Variants in MAPDA observed in about 807,000 individuals in gnomAD.
MAPDA encodes the protein N6,N6-dimethyl-AMP deaminase.
At chr15:43,336,772 C>G in the MAPDA span, 2 of 1,147,846 alleles carry the variant, frequency 1.7e-6, no homozygotes, top group Non-Finnish European at 2.4e-6. Flanking sequence ...CATTTTTGCT[C>G]TCATTAAGAG....
the MAPDA span, chr15:43,340,261 T>C: frequency 6.2e-7 from 1 of 1,613,184 alleles, no homozygotes; most frequent in Non-Finnish European, 8.5e-7. Context: ...ATCTTTATTA[T>C]CAGGTCACAA....
At chr15:43,344,276 A>AT in the MAPDA span, among the ~76,000 whole-genome samples, 21,773 of 152,198 alleles carry the variant, frequency 0.14, 1,834 homozygotes, top group Middle Eastern at 0.27. Context: ...AGCTTAAAAT[A>AT]TCCAGCATTC....
chr15:43,334,534 A>G, the MAPDA span, among the ~76,000 whole-genome samples: 1 of 149,964 alleles, frequency 6.7e-6, no homozygotes, highest in East Asian at 2.0e-4. Context: ...AAGCTGAGGC[A>G]GGAGAATCAC....
chr15:43,336,989 C>G, the MAPDA span, among the ~76,000 whole-genome samples: 11 of 152,020 alleles, frequency 7.2e-5, no homozygotes, highest in Admixed American at 5.2e-4. Context: ...AATATTAGGG[C>G]TGGGCGTGGT....
At chr15:43,345,979 C>T in the MAPDA span, 1 of 1,613,948 alleles carries the variant, frequency 6.2e-7, no homozygotes, top group Non-Finnish European at 8.5e-7. Context: ...GGAGACCCTA[C>T]TGTAAGTTAT....
At chr15:43,337,113 A>G in the MAPDA span, among the ~76,000 whole-genome samples, 1 of 79,416 alleles carries the variant, frequency 1.3e-5, no homozygotes, top group East Asian at 7.0e-4. Context: ...CTAAAAATAC[A>G]AAAAAAAAAA....
At chr15:43,345,648 G>C in the MAPDA span, among the ~76,000 whole-genome samples, 1 of 152,212 alleles carries the variant, frequency 6.6e-6, no homozygotes, top group East Asian at 1.9e-4. Context: ...AATCTGAACA[G>C]TGACTGGATG....
At chr15:43,342,439 T>C in the MAPDA span, among the ~76,000 whole-genome samples, 3 of 138,102 alleles carry the variant, frequency 2.2e-5, no homozygotes, top group South Asian at 6.8e-4. Flanking sequence ...AGAGAAAATA[T>C]CCCTTTTAAA....
the MAPDA span, chr15:43,352,174 C>G: frequency 2.6e-6 from 1 of 383,630 alleles, no homozygotes; most frequent in East Asian, 3.9e-5. Context: ...TAATTAAATC[C>G]CCATTCCACC....
the MAPDA span, among the ~76,000 whole-genome samples, chr15:43,345,315 A>G: frequency 2.8e-4 from 42 of 149,764 alleles, 1 homozygote; most frequent in Non-Finnish European, 5.5e-4. Context: ...AGATTGCACC[A>G]TTGCACTCCA....
At chr15:43,334,207 C>T in the MAPDA span, among the ~76,000 whole-genome samples, 1 of 152,006 alleles carries the variant, frequency 6.6e-6, no homozygotes, top group South Asian at 2.1e-4. Context: ...AAACTGAAGC[C>T]ATGAAGGTGA....
the MAPDA span, among the ~76,000 whole-genome samples, chr15:43,331,319 G>C: frequency 6.6e-6 from 1 of 152,234 alleles, no homozygotes; most frequent in African/African-American, 2.4e-5. Flanking sequence ...GATATGTTCT[G>C]AGCTTTGTTT....
chr15:43,351,157 G>C, the MAPDA span: 7 of 995,014 alleles, frequency 7.0e-6, no homozygotes, highest in Non-Finnish European at 6.1e-6. Context: ...CCAAGTAGAG[G>C]AGTTAGAAGG....
chr15:43,341,250 GGCTCTCATC>G, the MAPDA span, among the ~76,000 whole-genome samples: 1 of 152,186 alleles, frequency 6.6e-6, no homozygotes, highest in African/African-American at 2.4e-5. Flanking sequence ...ATAAGGAGAA[GGCTCTCATC>G]TTGCATTTTT....
the MAPDA span, among the ~76,000 whole-genome samples, chr15:43,350,075 T>C: frequency 6.6e-6 from 1 of 152,012 alleles, no homozygotes; most frequent in Admixed American, 6.6e-5. Context: ...GTCACTCTTT[T>C]TTTTGGGGGG....
chr15:43,331,997 A>G, the MAPDA span: 1 of 152,252 alleles, frequency 6.6e-6, no homozygotes, highest in Non-Finnish European at 1.5e-5. Flanking sequence ...AAGACAACTC[A>G]CTGGTAGAGT....
the MAPDA span, among the ~76,000 whole-genome samples, chr15:43,333,993 T>C: frequency 6.6e-6 from 1 of 152,250 alleles, no homozygotes; most frequent in Non-Finnish European, 1.5e-5. Flanking sequence ...AGTGGTGGAA[T>C]AATTCAAAGG....
At chr15:43,330,741 T>G in the MAPDA span, 2 of 415,204 alleles carry the variant, frequency 4.8e-6, no homozygotes, top group Non-Finnish European at 8.7e-6. Flanking sequence ...TGTCCCAGAA[T>G]ACGGTCCGCT....
At chr15:43,335,611 A>C in the MAPDA span, 1 of 1,398,376 alleles carries the variant, frequency 7.2e-7, no homozygotes, top group Non-Finnish European at 9.7e-7. Context: ...CAGTTTGCCT[A>C]TTGCAAACTA....
Sources: gnomAD v4.1 joint callset for allele counts (sites outside exome capture counted in the v4.1 genomes callset) on GRCh38, gnomAD v4.1.1 for gene constraint, MANE v1.5 for transcripts, NCBI Gene and HGNC (gene_info 2026-07-23, HGNC 2026-07-21) for gene names.